GABRG3: variants seen among roughly 807,000 people sequenced by gnomAD.
The protein encoded by GABRG3 is gamma-aminobutyric acid receptor subunit gamma-3.
Under a neutral mutation model 48.8 loss-of-function variants are expected in GABRG3, and 25 were observed. The observed-to-expected ratio is 0.51, with a 90% confidence interval of 0.37 to 0.72. The LOEUF is 0.72. GABRG3 is among the 30% of genes least tolerant of loss of function. The pLI, the probability that GABRG3 is intolerant of heterozygous loss-of-function variation, is 0.00. For synonymous variants in GABRG3, 227 were observed against 217.6 expected (o/e 1.04, Z -0.38); for missense variants, 394 against 577.9 (o/e 0.68, Z 3.26).
chr15:27,283,856 G>A (rs531653230), intron 3 of GABRG3, among the ~76,000 whole-genome samples: 9 of 152,278 alleles, frequency 5.9e-5, no homozygotes, highest in African/African-American at 2.2e-4. Flanking sequence ...CACAAATTAT[G>A]AGTGTAATAT....
chr15:27,506,753 C>A (rs1890769483), intron 6 of GABRG3, among the ~76,000 whole-genome samples: 1 of 152,046 alleles, frequency 6.6e-6, no homozygotes, highest in South Asian at 2.1e-4. Context: ...AAAACTAATA[C>A]ATTAATTTTA....
At chr15:27,498,922 C>G (rs1043513477) in intron 6 of GABRG3, among the ~76,000 whole-genome samples, 2 of 152,178 alleles carry the variant, frequency 1.3e-5, no homozygotes, top group African/African-American at 4.8e-5. Flanking sequence ...CCACTCTGTC[C>G]AGAAGGCTTG....
chr15:26,971,644 G>C, intron 1 of GABRG3, 56 bp downstream of exon 1: 7 of 1,501,670 alleles, frequency 4.7e-6, no homozygotes, highest in South Asian at 1.3e-5. Context: ...ACAGGGCGGC[G>C]GGGGGCGCTG....
chr15:27,035,493 C>G (rs1896160820), intron 3 of GABRG3, among the ~76,000 whole-genome samples: 1 of 151,728 alleles, frequency 6.6e-6, no homozygotes, highest in Non-Finnish European at 1.5e-5. Context: ...TCATTCTTCA[C>G]AATGTGAGCT....
intron 5 of GABRG3, among the ~76,000 whole-genome samples, chr15:27,468,167 T>C (rs1022440278): frequency 1.3e-5 from 2 of 152,154 alleles, no homozygotes; most frequent in African/African-American, 2.4e-5. Context: ...GAGAAGGAAT[T>C]CAAGGATGAG....
At chr15:27,216,770 A>ATTTTTTTT (rs1889268266) in intron 3 of GABRG3, among the ~76,000 whole-genome samples, 1 of 89,424 alleles carries the variant, frequency 1.1e-5, no homozygotes, top group South Asian at 4.9e-4. Flanking sequence ...TTATTTATTT[A>ATTTTTTTT]TTTTTTAATT....
intron 3 of GABRG3, among the ~76,000 whole-genome samples, chr15:27,181,946 A>G (rs916613307): frequency 2.7e-5 from 4 of 150,934 alleles, no homozygotes; most frequent in African/African-American, 9.7e-5. Flanking sequence ...TAGCATTTCT[A>G]CTATAATATA....
intron 3 of GABRG3, among the ~76,000 whole-genome samples, chr15:27,298,876 T>C (rs558687001): frequency 1.5e-4 from 23 of 151,520 alleles, no homozygotes; most frequent in South Asian, 4.2e-4. Context: ...CCTGACCATA[T>C]AATTAATATG....
chr15:26,977,238 T>G (rs1421625457), intron 2 of GABRG3, 88 bp downstream of exon 2: 1 of 1,371,074 alleles, frequency 7.3e-7, no homozygotes, highest in Non-Finnish European at 1.0e-6. Flanking sequence ...ATTCCAAGAG[T>G]ATTGCAAAGA....
intron 5 of GABRG3, among the ~76,000 whole-genome samples, chr15:27,436,224 T>C (rs1888605132): frequency 6.6e-6 from 1 of 152,188 alleles, no homozygotes. Context: ...GGTTTGCTAA[T>C]GGCTGTCTTC....
At chr15:27,213,920 G>A (rs1343975424) in intron 3 of GABRG3, among the ~76,000 whole-genome samples, 1 of 152,204 alleles carries the variant, frequency 6.6e-6, no homozygotes, top group Non-Finnish European at 1.5e-5. Flanking sequence ...GAGTTTCAGC[G>A]AAGGGGGAAA....
intron 3 of GABRG3, among the ~76,000 whole-genome samples, chr15:27,145,610 T>TATCTATCTATCTATCATCC (rs1555405995): frequency 7.4e-6 from 1 of 135,138 alleles, no homozygotes; most frequent in African/African-American, 2.9e-5. Flanking sequence ...TATCTCTATC[T>TATCTATCTATCTATCATCC]ATCTATCTAT....
intron 3 of GABRG3, among the ~76,000 whole-genome samples, chr15:27,283,382 T>C (rs917281689): frequency 6.6e-5 from 10 of 152,168 alleles, no homozygotes; most frequent in South Asian, 2.1e-4. Context: ...GGCGGGTGGA[T>C]CACCTGAGGT....
intron 3 of GABRG3, among the ~76,000 whole-genome samples, chr15:27,121,353 G>C (rs202072019): frequency 6.6e-6 from 1 of 152,170 alleles, no homozygotes; most frequent in Non-Finnish European, 1.5e-5. Flanking sequence ...GCTCACATTC[G>C]TACCTAACAG....
chr15:27,038,012 G>A (rs1338310978), intron 3 of GABRG3, among the ~76,000 whole-genome samples: 1 of 152,136 alleles, frequency 6.6e-6, no homozygotes, highest in Non-Finnish European at 1.5e-5. Flanking sequence ...GCAGGGAAGA[G>A]CCTGCAGCAT....
intron 3 of GABRG3, among the ~76,000 whole-genome samples, chr15:27,057,256 A>G (rs1264804504): frequency 6.6e-6 from 1 of 152,126 alleles, no homozygotes; most frequent in African/African-American, 2.4e-5. Context: ...GTGGCTGACA[A>G]CTTCAATAAA....
At chr15:27,061,742 G>A (rs1335735513) in intron 3 of GABRG3, among the ~76,000 whole-genome samples, 1 of 152,080 alleles carries the variant, frequency 6.6e-6, no homozygotes, top group Non-Finnish European at 1.5e-5. Flanking sequence ...TGCCAGCTTT[G>A]ACCCTGACTT....
At chr15:27,081,787 C>T (rs1896996902) in intron 3 of GABRG3, among the ~76,000 whole-genome samples, 1 of 152,200 alleles carries the variant, frequency 6.6e-6, no homozygotes, top group Non-Finnish European at 1.5e-5. Flanking sequence ...CGACCCCGCT[C>T]CCCAGGAGAC....
chr15:27,534,851 T>C lies in GABRG3; in HGVS notation c.*1970T>C, dbSNP rs1891513198. On this transcript the variant is annotated 3_prime_UTR_variant, in exon 10 of 10. Transcript: ENST00000615808. ...CAGCGTGAGACATTCAAACCCATTGTTTCTCTCCCTGTCAACTCTCTGTCT... is the reference window on the plus strand; with the variant it reads ...CAGCGTGAGACATTCAAACCCATTGCTTCTCTCCCTGTCAACTCTCTGTCT... The C allele has an allele frequency of 6.6e-6, 1 of 152,224 alleles. No individual in the cohort carries two copies. The highest frequency in any genetic ancestry group is 1.5e-5 in the Non-Finnish European group (1 of 68,040). The allele number at this position is 152,224 out of a possible 1,614,324, so 9.4% of individuals were successfully genotyped here. A position where few individuals can be genotyped will look rare whatever the true frequency, so the allele number is the denominator to read the frequency against.
Sources: allele counts gnomAD v4.1 joint callset (sites outside exome capture counted in the v4.1 genomes callset), GRCh38; gene constraint gnomAD v4.1.1; transcripts MANE v1.5; gene names NCBI Gene and HGNC (gene_info 2026-07-23, HGNC 2026-07-21).